Variants in IRAG1 observed in about 807,000 individuals in gnomAD.
IRAG1 encodes IP3R-associated cGMP kinase substrate.
In IRAG1, 62 loss-of-function variants were observed where a neutral mutation model predicts 106.2. The observed-to-expected ratio is 0.58, with a 90% confidence interval of 0.48 to 0.72. The LOEUF (loss-of-function observed/expected upper bound fraction) is 0.72. Ranked by LOEUF, IRAG1 falls within the 30% of genes least tolerant of loss-of-function variation. IRAG1 has a pLI of 0.00. For synonymous variants in IRAG1, 462 were observed against 443.9 expected (o/e 1.04, Z -0.51); for missense variants, 1,064 against 1,140.7 (o/e 0.93, Z 0.97).
intron 1 of IRAG1, among the ~76,000 whole-genome samples, chr11:10,685,201 T>G (rs901448981): frequency 1.3e-5 from 2 of 152,178 alleles, no homozygotes; most frequent in Non-Finnish European, 2.9e-5. Flanking sequence ...CCCAGCACTT[T>G]GAAAGGAGGC....
At chr11:10,650,143 G>T (rs896892077) in intron 2 of IRAG1, among the ~76,000 whole-genome samples, 1 of 152,142 alleles carries the variant, frequency 6.6e-6, no homozygotes, top group Admixed American at 6.5e-5. Flanking sequence ...TAAAAAGAAT[G>T]GCCCTTTGGA....
intron 18 of IRAG1, among the ~76,000 whole-genome samples, chr11:10,585,520 CAG>C (rs1374632602): frequency 2.6e-5 from 4 of 151,388 alleles, no homozygotes; most frequent in Non-Finnish European, 4.4e-5. Flanking sequence ...ATCTGTCAAA[CAG>C]AGAACAGTAA....
At chr11:10,642,974 A>T (rs1311235365) in intron 2 of IRAG1, among the ~76,000 whole-genome samples, 1 of 152,070 alleles carries the variant, frequency 6.6e-6, no homozygotes, top group Non-Finnish European at 1.5e-5. Context: ...GATCGAGACC[A>T]TCTTGGCTAA....
chr11:10,639,066 T>C (rs1857332664), intron 2 of IRAG1, among the ~76,000 whole-genome samples: 1 of 152,098 alleles, frequency 6.6e-6, no homozygotes, highest in African/African-American at 2.4e-5. Context: ...ACTACAGGCA[T>C]GCACCACCAT....
intron 1 of IRAG1, among the ~76,000 whole-genome samples, chr11:10,662,078 A>G (rs1356533452): frequency 6.6e-6 from 1 of 152,238 alleles, no homozygotes; most frequent in African/African-American, 2.4e-5. Flanking sequence ...GAGTTAATAA[A>G]TGAATGACAC....
At position 10,575,868 on chromosome 11, in the gene IRAG1, C is replaced by T. The variant is rs1048911598; in HGVS notation, c.*464G>A. 1 of 157,480 alleles carries T rather than the reference C, an allele frequency of 6.4e-6. No homozygotes were observed. The highest frequency in any genetic ancestry group is 1.4e-5 in the Non-Finnish European group (1 of 70,806). The allele number at this position is 157,480 out of a possible 1,614,324, so 9.8% of individuals were successfully genotyped here. ...GGGAAATGGGAAGATAGTCACTTTG[C>T]AACTCCAAATTCCAGGTCTGATGCT... On this transcript the variant is annotated 3_prime_UTR_variant, in exon 21 of 21. Coordinates refer to ENST00000423302, the MANE Select transcript of IRAG1 (RefSeq NM_130385.4).
Position 10,573,245 on chromosome 11 carries a change from A to T in IRAG1, c.*3087T>A, listed in dbSNP as rs1229768666. On this transcript the variant is annotated 3_prime_UTR_variant, in exon 21 of 21. Coordinates refer to ENST00000423302, the MANE Select transcript of IRAG1 (RefSeq NM_130385.4). ...CTCTCCATTTACTCTGTCAGGCTGT[A>T]TATGGGGAGCAACACATATGGCTTT... 6.6e-6 allele frequency: 1 copy of T among 152,244 alleles called. No individual in the cohort carries two copies. Among genetic ancestry groups the T allele is most frequent in the Admixed American group, 6.5e-5 (1 of 15,282 alleles). The allele number at this position is 152,244 out of a possible 1,614,324, so 9.4% of individuals were successfully genotyped here.
intron 1 of IRAG1, among the ~76,000 whole-genome samples, chr11:10,690,067 CT>C (rs1327714984): frequency 6.6e-6 from 1 of 152,128 alleles, no homozygotes; most frequent in African/African-American, 2.4e-5. Flanking sequence ...CCTTAGCAGA[CT>C]TTTTTTACAT....
chr11:10,613,419 A>T (rs1465770377), intron 10 of IRAG1, among the ~76,000 whole-genome samples: 1 of 151,208 alleles, frequency 6.6e-6, no homozygotes, highest in African/African-American at 2.5e-5. Flanking sequence ...TTGTAACCAC[A>T]CAAGCTGTCC....
intron 15 of IRAG1, among the ~76,000 whole-genome samples, chr11:10,595,529 C>A (rs1212714512): frequency 6.6e-6 from 1 of 152,148 alleles, no homozygotes; most frequent in Non-Finnish European, 1.5e-5. Context: ...AACCCTCCCT[C>A]TTAATTATAT....
In IRAG1 at chr11:10,574,429, T is replaced by C. The variant is rs935439686; in HGVS notation, c.*1903A>G. On this transcript the variant is annotated 3_prime_UTR_variant, in exon 21 of 21. Transcript: ENST00000423302. ...ATGGGTAAGACATGGTTCTTGTCTT[T>C]GAGGAAAAATGCTAGGGGAGATGGA... 1 of 152,076 alleles carries C rather than the reference T, an allele frequency of 6.6e-6. No homozygotes were observed. The highest frequency in any genetic ancestry group is 1.5e-5 in the Non-Finnish European group (1 of 68,012). The allele number at this position is 152,076 out of a possible 1,614,324, so 9.4% of individuals were successfully genotyped here.
intron 10 of IRAG1, among the ~76,000 whole-genome samples, chr11:10,614,453 T>G (rs1421861978): frequency 6.6e-6 from 1 of 152,218 alleles, no homozygotes; most frequent in African/African-American, 2.4e-5. Flanking sequence ...TTAAAGTTCA[T>G]GTGGAACCGA....
At chr11:10,604,635 A>G in intron 12 of IRAG1, 90 bp from the exon 13 acceptor site, 1 of 1,506,650 alleles carries the variant, frequency 6.6e-7, no homozygotes, top group Non-Finnish European at 9.1e-7. Context: ...AGCGTTTTGC[A>G]ACGGCCCCTG....
rs549300375 is a variant in IRAG1, at chr11:10,573,102, A to G, written c.*3230T>C. ...TTTGGCTGCTGCCAGAGGTTTGGAA[A>G]TGTGCTTTTATTTTCAAACTCAGGT... is the stretch of plus-strand genomic sequence containing the variant. On this transcript the variant is annotated 3_prime_UTR_variant, in exon 21 of 21. Coordinates refer to ENST00000423302, the MANE Select transcript of IRAG1 (RefSeq NM_130385.4). 2.0e-5 allele frequency: 3 copies of G among 152,316 alleles called. No homozygotes were observed. The East Asian group carries it at 5.8e-4, about 29-fold the overall frequency. 9.4% of individuals were successfully genotyped at this position (152,316 alleles called of 1,614,324 possible).
At chr11:10,680,947 T>A (rs566499242) in intron 1 of IRAG1, among the ~76,000 whole-genome samples, 14 of 152,198 alleles carry the variant, frequency 9.2e-5, no homozygotes, top group African/African-American at 3.4e-4. Flanking sequence ...ATTACACAGA[T>A]AGCATGGTTT....
chr11:10,608,839 G>A (rs959746098), intron 11 of IRAG1, among the ~76,000 whole-genome samples: 3 of 152,100 alleles, frequency 2.0e-5, no homozygotes, highest in African/African-American at 4.8e-5. Flanking sequence ...TTTTGAGGAA[G>A]TACTATTTAT....
At chr11:10,680,850 G>A (rs1329010667) in intron 1 of IRAG1, among the ~76,000 whole-genome samples, 1 of 152,184 alleles carries the variant, frequency 6.6e-6, no homozygotes, top group East Asian at 1.9e-4. Context: ...TAAGGTCCTT[G>A]GGGCCGGGCG....
intron 1 of IRAG1, among the ~76,000 whole-genome samples, chr11:10,652,641 A>G (rs1466120151): frequency 6.6e-6 from 1 of 152,192 alleles, no homozygotes; most frequent in Non-Finnish European, 1.5e-5. Flanking sequence ...GAACCGCCCC[A>G]GAGAGTGAAA....
intron 18 of IRAG1, chr11:10,586,213 A>G (rs1260049348): frequency 6.6e-6 from 1 of 151,848 alleles, no homozygotes; most frequent in Non-Finnish European, 1.5e-5. Flanking sequence ...TAGGGTGGCA[A>G]GTGGGGGAAA....
Sources: allele counts gnomAD v4.1 joint callset (sites outside exome capture counted in the v4.1 genomes callset), GRCh38; gene constraint gnomAD v4.1.1; transcripts MANE v1.5; gene names NCBI Gene and HGNC (gene_info 2026-07-23, HGNC 2026-07-21).